FXN: variants seen among roughly 807,000 people sequenced by gnomAD.
The protein encoded by FXN is frataxin, mitochondrial.
Under a neutral mutation model 22.4 loss-of-function variants are expected in FXN, and 14 were observed. That is an observed-to-expected ratio of 0.62 (90% CI 0.41 to 0.98). The LOEUF (loss-of-function observed/expected upper bound fraction) is 0.98. Among genes scored for constraint, FXN ranks in the 50% least tolerant of loss-of-function variants. The probability of loss-of-function intolerance (pLI) is 0.00; values close to 1 mark genes in which losing one functional copy is unlikely to be tolerated. For synonymous variants in FXN, 120 were observed against 114.1 expected, an observed-to-expected ratio of 1.05 and a Z score of -0.33; for missense variants, 267 against 268.4, an observed-to-expected ratio of 0.99 and a Z score of 0.04.
At chr9:69,047,949 C>T (rs1383327605) in intron 2 of FXN, among the ~76,000 whole-genome samples, 2 of 152,122 alleles carry the variant, frequency 1.3e-5, no homozygotes, top group Non-Finnish European at 2.9e-5. Context: ...AACTCCTGAC[C>T]TCAGATGATC....
chr9:69,049,462 T>C, intron 2 of FXN, among the ~76,000 whole-genome samples: 1 of 152,126 alleles, frequency 6.6e-6, no homozygotes, highest in East Asian at 1.9e-4. Context: ...AAGAGGGTCA[T>C]ATGGCAAATC....
chr9:69,035,959 C>T lies in FXN; in HGVS notation c.165+12C>T, dbSNP rs1449440679. The T allele has an allele frequency of 5.5e-6, 8 of 1,457,700 alleles. No homozygotes were observed. The highest frequency in any genetic ancestry group is 1.3e-5 in the South Asian group (1 of 76,744). 90.3% of individuals were successfully genotyped at this position (1,457,700 alleles called of 1,614,324 possible). ...CGCCCCGCCGCGCAGTAAGTATCCG[C>T]GCCGGGAACAGCCGCGGGCCGCACG... is the stretch of plus-strand genomic sequence containing the variant. On this transcript the variant is annotated intron_variant, in intron 1 of 4. Transcript: ENST00000484259.
At chr9:69,057,051 T>C (rs906658829) in intron 3 of FXN, among the ~76,000 whole-genome samples, 1 of 152,154 alleles carries the variant, frequency 6.6e-6, no homozygotes, top group Non-Finnish European at 1.5e-5. Context: ...ATTACAGGCA[T>C]GAGCCACCAT....
intron 3 of FXN, among the ~76,000 whole-genome samples, chr9:69,062,914 C>T (rs1832102230): frequency 2.0e-5 from 3 of 151,644 alleles, no homozygotes; most frequent in Admixed American, 6.6e-5. Flanking sequence ...AAAATGGGGC[C>T]GAGTGCAGTA....
At chr9:69,041,060 AATACTTGT>A (rs1831649103) in intron 1 of FXN, among the ~76,000 whole-genome samples, 1 of 152,186 alleles carries the variant, frequency 6.6e-6, no homozygotes, top group African/African-American at 2.4e-5. Context: ...ACAAATAACA[AATACTTGT>A]ATCCCTGACA....
rs561285473 is a variant in FXN at position 69,062,946 on chromosome 9, C to T, written c.385-1992C>T. 1.2e-4 allele frequency among the ~76,000 whole-genome samples: 18 copies of T among 151,828 alleles called. 1 individual carries two copies. In the South Asian group the frequency reaches 3.5e-3, roughly 30 times the overall value. On this transcript the variant is annotated intron_variant, in intron 3 of 4. Coordinates refer to ENST00000484259, the MANE Select transcript of FXN (RefSeq NM_000144.5). ...AGTAGCTCACACCTGTAACATAATC[C>T]CAGCACTTTGGGAGGCCGAGGTAGG...
intron 3 of FXN, among the ~76,000 whole-genome samples, chr9:69,062,785 G>A (rs1832099762): frequency 6.6e-6 from 1 of 152,092 alleles, no homozygotes; most frequent in African/African-American, 2.4e-5. Flanking sequence ...AAGGTGAAAA[G>A]TTCTAGAGTT....
At chr9:69,050,181 A>T (rs2498428) in intron 2 of FXN, among the ~76,000 whole-genome samples, 37,198 of 152,088 alleles carry the variant, frequency 0.24, 4,713 homozygotes, top group South Asian at 0.34. Context: ...ATTTCTTTCT[A>T]TCACAATGAT....
At position 69,076,543 on chromosome 9, in the gene FXN, A is replaced by G; in HGVS notation, c.*3781A>G. On this transcript the variant is annotated 3_prime_UTR_variant, in exon 5 of 5. Coordinates refer to ENST00000484259, the MANE Select transcript of FXN (RefSeq NM_000144.5). ...TTCTAAAACTATTTTAGCCAATTTA[A>G]AATTTGACAGTTTGCATTAAATTAT... 5 of 985,376 alleles carry G rather than the reference A, an allele frequency of 5.1e-6. No homozygotes were observed. The highest frequency in any genetic ancestry group is 6.0e-6 in the Non-Finnish European group (5 of 829,912). 61.0% of individuals were successfully genotyped at this position (985,376 alleles called of 1,614,324 possible). A position where few individuals can be genotyped will look rare whatever the true frequency, so the allele number is the denominator to read the frequency against.
At chr9:69,066,698 CACTT>C (rs1293998809) in intron 4 of FXN, among the ~76,000 whole-genome samples, 1 of 151,688 alleles carries the variant, frequency 6.6e-6, no homozygotes, top group African/African-American at 2.4e-5. Flanking sequence ...ATCGGGCAGG[CACTT>C]ACCCCAAAAG....
chr9:69,041,515 C>T (rs990923399), intron 1 of FXN, among the ~76,000 whole-genome samples: 2 of 152,204 alleles, frequency 1.3e-5, no homozygotes, highest in African/African-American at 4.8e-5. Context: ...AGGTGAATTT[C>T]TCAGAATGGA....
intron 3 of FXN, among the ~76,000 whole-genome samples, chr9:69,061,323 G>A (rs1286456608): frequency 1.3e-5 from 2 of 152,146 alleles, no homozygotes; most frequent in African/African-American, 2.4e-5. Context: ...CCTCGAAGGA[G>A]GCAGGAGAGA....
chr9:69,054,065 C>T (rs999950621), intron 3 of FXN, among the ~76,000 whole-genome samples: 11 of 152,190 alleles, frequency 7.2e-5, no homozygotes, highest in Non-Finnish European at 8.8e-5. Context: ...AGTGCAGTGG[C>T]GCAATCTCGG....
intron 3 of FXN, among the ~76,000 whole-genome samples, chr9:69,061,298 G>T (rs915519753): frequency 2.0e-5 from 3 of 152,174 alleles, no homozygotes; most frequent in African/African-American, 7.2e-5. Context: ...TCTGCCCCTA[G>T]TTCTTGCCCT....
At position 69,074,333 on chromosome 9, in the gene FXN, G is replaced by C; in HGVS notation, c.*1571G>C. On this transcript the variant is annotated 3_prime_UTR_variant, in exon 5 of 5. Coordinates refer to ENST00000484259, the MANE Select transcript of FXN (RefSeq NM_000144.5). ...AAGCCTCCAGGACATTAAAATTCAT[G>C]CAAAGTTATGCTCATGTTATATTAT... 1 of 985,248 alleles carries C rather than the reference G, an allele frequency of 1.0e-6. No homozygotes were observed. Among genetic ancestry groups the C allele is most frequent in the African/African-American group, 1.7e-5 (1 of 57,306 alleles). The allele number at this position is 985,248 out of a possible 1,614,324, so 61.0% of individuals were successfully genotyped here. A position where few individuals can be genotyped will look rare whatever the true frequency, so the allele number is the denominator to read the frequency against.
At chr9:69,068,277 C>T (rs1191771842) in intron 4 of FXN, among the ~76,000 whole-genome samples, 1 of 152,312 alleles carries the variant, frequency 6.6e-6, no homozygotes, top group East Asian at 1.9e-4. Context: ...GAGCTCTTTC[C>T]ACTCCCCCAA....
At chr9:69,067,264 C>T (rs1259966417) in intron 4 of FXN, among the ~76,000 whole-genome samples, 2 of 152,220 alleles carry the variant, frequency 1.3e-5, no homozygotes, top group Non-Finnish European at 2.9e-5. Context: ...TGCGGGGTTC[C>T]GGGGGAGCAG....
intron 1 of FXN, among the ~76,000 whole-genome samples, chr9:69,040,467 G>A (rs1003821415): frequency 1.3e-5 from 2 of 152,128 alleles, no homozygotes; most frequent in Admixed American, 6.6e-5. Flanking sequence ...AGGAGATGGA[G>A]ACCATCCTGG....
Position 69,076,419 on chromosome 9 carries a change from A to G in FXN, c.*3657A>G. ...CCTACTCAACCTTGAACTTAATCAA[A>G]ATACTCAGTTTACTTAACTTCGTAT... is the stretch of plus-strand genomic sequence containing the variant. On this transcript the variant is annotated 3_prime_UTR_variant, in exon 5 of 5. Coordinates refer to ENST00000484259, the MANE Select transcript of FXN (RefSeq NM_000144.5). 1.0e-6 allele frequency: 1 copy of G among 985,396 alleles called. No homozygotes were observed. Among genetic ancestry groups the G allele is most frequent in the Non-Finnish European group, 1.2e-6 (1 of 829,914 alleles). 61.0% of individuals were successfully genotyped at this position (985,396 alleles called of 1,614,324 possible).
Sources: gnomAD v4.1 joint callset for allele counts (sites outside exome capture counted in the v4.1 genomes callset) on GRCh38, gnomAD v4.1.1 for gene constraint, MANE v1.5 for transcripts, NCBI Gene and HGNC (gene_info 2026-07-23, HGNC 2026-07-21) for gene names.